ADD2: variants seen among roughly 807,000 people sequenced by gnomAD.
ADD2 encodes the protein adducin 2, also known as beta-adducin.
Under a neutral mutation model 83.0 loss-of-function variants are expected in ADD2, and 23 were observed. The ratio of observed to expected loss-of-function variants is 0.28; its 90% confidence interval spans 0.20 to 0.39. The LOEUF (loss-of-function observed/expected upper bound fraction) is 0.39. Among genes scored for constraint, ADD2 ranks in the 10% least tolerant of loss-of-function variants. The probability of loss-of-function intolerance (pLI) is 1.00; values close to 1 mark genes in which losing one functional copy is unlikely to be tolerated. For synonymous variants in ADD2, 375 were observed against 375.4 expected, an observed-to-expected ratio of 1.00 and a Z score of 0.01; for missense variants, 758 against 944.9, an observed-to-expected ratio of 0.80 and a Z score of 2.59.
intron 8 of ADD2, 107 bp from the exon 9 acceptor site, chr2:70,688,229 G>T: frequency 1.2e-6 from 1 of 822,924 alleles, no homozygotes; most frequent in African/African-American, 1.7e-5. Context: ...CAATCCCAGG[G>T]CCCCTTCTCC....
chr2:70,756,169 C>A (rs189641767), intron 1 of ADD2, among the ~76,000 whole-genome samples: 5 of 152,212 alleles, frequency 3.3e-5, no homozygotes, highest in African/African-American at 1.2e-4. Context: ...CTGCCTACCC[C>A]CTTTCCTCCC....
At position 70,678,866 on chromosome 2, in the gene ADD2, G is replaced by A. The variant is rs998289646; in HGVS notation, c.1221C>T (p.Phe407=). The A allele has an allele frequency of 6.2e-6, 10 of 1,614,098 alleles. No homozygotes were observed. The Admixed American group carries it at 8.3e-5, about 13-fold the overall frequency. ...EVEIPATVTA[F]VFEEDGAPVP... is the part of the protein sequence containing the mutation. ...CCGGGGCACCGTCCTCCTCAAACAC[G>A]AAGGCTGTGACCGTGGCTGGAATCT... The change falls in exon 11 of 16, where the codon TTC becomes TTT. Residue 407 remains phenylalanine (F), a synonymous_variant. Transcript: ENST00000264436.
chr2:70,725,730 T>A (rs564504970), intron 1 of ADD2, among the ~76,000 whole-genome samples: 1 of 152,044 alleles, frequency 6.6e-6, no homozygotes, highest in Non-Finnish European at 1.5e-5. Flanking sequence ...ACCGACACCA[T>A]GAGTTTGGAC....
chr2:70,744,153 T>C (rs1254645717), intron 1 of ADD2, among the ~76,000 whole-genome samples: 3 of 152,192 alleles, frequency 2.0e-5, no homozygotes, highest in African/African-American at 4.8e-5. Context: ...GTAACCACCA[T>C]GGAAATAATT....
In ADD2 at chr2:70,706,746, A is replaced by G. The variant is rs1671926747; in HGVS notation, c.-34-304T>C. Among the ~76,000 whole-genome samples, 1 of 152,220 alleles carries G rather than the reference A, an allele frequency of 6.6e-6. No homozygotes were observed. The highest frequency in any genetic ancestry group is 6.5e-5 in the Admixed American group (1 of 15,292). On this transcript the variant is annotated intron_variant, in intron 2 of 15. Transcript: ENST00000264436. This position sits in a 1 kb window ranked among gnomAD's most constrained non-coding sequence, Gnocchi z 5.0. ...GGAGTAGAGAGTTCCCCGAATGGAAACATGACCTGCAGACCTTGTTGAGCA... is the reference window on the plus strand; with the variant it reads ...GGAGTAGAGAGTTCCCCGAATGGAAGCATGACCTGCAGACCTTGTTGAGCA...
intron 3 of ADD2, among the ~76,000 whole-genome samples, chr2:70,705,302 G>C (rs1671828232): frequency 6.6e-6 from 1 of 152,132 alleles, no homozygotes; most frequent in Non-Finnish European, 1.5e-5. Flanking sequence ...CCATTCCCTG[G>C]AGCTGCTCTG....
At chr2:70,705,063 C>A (rs1671811907) in intron 3 of ADD2, among the ~76,000 whole-genome samples, 1 of 152,114 alleles carries the variant, frequency 6.6e-6, no homozygotes, top group African/African-American at 2.4e-5. Context: ...TGTTGGCCAA[C>A]CTGTAAAAGG....
At chr2:70,704,263 T>TCCCCCCCCCCCCCCCCCCCCCCACC in intron 4 of ADD2, 58 bp downstream of exon 4, 1 of 913,238 alleles carries the variant, frequency 1.1e-6, no homozygotes, top group Non-Finnish European at 1.7e-6. Flanking sequence ...CTCCCTCTCT[T>TCCCCCCCCCCCCCCCCCCCCCCACC]CCCCACCCCA....
rs183087265 is a variant in ADD2, at chr2:70,764,441, G to A, written c.-154+3445C>T. 1.0e-3 allele frequency among the ~76,000 whole-genome samples: 153 copies of A among 151,976 alleles called. 1 individual carries two copies. Among genetic ancestry groups the A allele is most frequent in the African/African-American group, 3.6e-3 (147 of 41,276 alleles). The stretch of plus-strand genomic sequence containing the variant: ...GGAGTTGGCAAGTTGTGTGTGTCCT[G>A]TGTAGACTCACTCTCTCCACTATTC... On this transcript the variant is annotated intron_variant, in intron 1 of 15. Transcript: ENST00000264436.
intron 1 of ADD2, among the ~76,000 whole-genome samples, chr2:70,739,766 A>G (rs1673780298): frequency 6.6e-6 from 1 of 152,084 alleles, no homozygotes; most frequent in Non-Finnish European, 1.5e-5. Context: ...AAACTAACAC[A>G]GGAACAGAAA....
In ADD2 at chr2:70,657,931, C is replaced by T. The variant is rs1311429722; in HGVS notation, c.*5494G>A. 2.6e-5 allele frequency: 4 copies of T among 152,202 alleles called. No homozygotes were observed. The highest frequency in any genetic ancestry group is 9.7e-5 in the African/African-American group (4 of 41,442). 9.4% of individuals were successfully genotyped at this position (152,202 alleles called of 1,614,324 possible). On this transcript the variant is annotated 3_prime_UTR_variant, in exon 16 of 16. Transcript: ENST00000264436. ...ACTCCAGCTCTGCCTGAACCCCTTCCCTGCACCAATAATGATCATTTCTCC... is the reference window on the plus strand; with the variant it reads ...ACTCCAGCTCTGCCTGAACCCCTTCTCTGCACCAATAATGATCATTTCTCC...
chr2:70,666,056 C>T (rs757990525), intron 15 of ADD2, among the ~76,000 whole-genome samples: 12 of 152,120 alleles, frequency 7.9e-5, no homozygotes, highest in Non-Finnish European at 1.6e-4. Context: ...CCTCGTGATC[C>T]GCCCACCTTG....
In ADD2 at chr2:70,706,110, A is replaced by G; in HGVS notation, c.183+116T>C. 1 of 1,117,878 alleles carries G rather than the reference A, an allele frequency of 8.9e-7. No homozygotes were observed. The highest frequency in any genetic ancestry group is 1.3e-6 in the Non-Finnish European group (1 of 784,734). The allele number at this position is 1,117,878 out of a possible 1,614,324, so 69.2% of individuals were successfully genotyped here. On this transcript the variant is annotated intron_variant, in intron 3 of 15. Transcript: ENST00000264436. The surrounding 1 kb of genome is among the most constrained non-coding windows in gnomAD (Gnocchi z 5.0). The stretch of plus-strand genomic sequence containing the variant: ...CAGATCCGTCTTGCTCAGTGGGCTT[A>G]CATTTCTACTGACCCTGAGCAAGGG...
intron 10 of ADD2, among the ~76,000 whole-genome samples, chr2:70,681,662 T>A (rs1052506690): frequency 3.9e-5 from 6 of 152,090 alleles, no homozygotes; most frequent in Non-Finnish European, 8.8e-5. Context: ...TCATTATTTT[T>A]AATATTTTTT....
intron 1 of ADD2, among the ~76,000 whole-genome samples, chr2:70,740,473 T>G (rs1413737617): frequency 1.3e-5 from 2 of 152,112 alleles, no homozygotes; most frequent in Non-Finnish European, 2.9e-5. Context: ...GTGGCAAAAA[T>G]TACATTATAG....
intron 1 of ADD2, among the ~76,000 whole-genome samples, chr2:70,727,691 T>C (rs1363552752): frequency 1.2e-4 from 18 of 151,956 alleles, no homozygotes; most frequent in Non-Finnish European, 1.0e-4. Context: ...AGTCAGGAGT[T>C]CAAGACTAGC....
intron 6 of ADD2, among the ~76,000 whole-genome samples, chr2:70,694,426 G>C (rs1166718939): frequency 6.6e-6 from 1 of 152,110 alleles, no homozygotes; most frequent in African/African-American, 2.4e-5. Context: ...GTGGCTCTGA[G>C]TGTCCAGCAG....
chr2:70,700,319 C>A (rs1382992134), intron 4 of ADD2, among the ~76,000 whole-genome samples: 3 of 151,906 alleles, frequency 2.0e-5, no homozygotes, highest in Non-Finnish European at 2.9e-5. Context: ...AGCATTCAAC[C>A]ACTTGGAAAT....
At chr2:70,680,117 A>G (rs1260928848) in intron 10 of ADD2, among the ~76,000 whole-genome samples, 6 of 152,156 alleles carry the variant, frequency 3.9e-5, no homozygotes, top group Admixed American at 3.3e-4. Flanking sequence ...GCCGTGCTTG[A>G]TAAGTCTTCC....
Sources: allele counts gnomAD v4.1 joint callset (sites outside exome capture counted in the v4.1 genomes callset), GRCh38; gene constraint gnomAD v4.1.1; non-coding constraint Gnocchi (gnomAD v3.1); transcripts MANE v1.5; gene names NCBI Gene and HGNC (gene_info 2026-07-23, HGNC 2026-07-21).